Variants in TTC28 observed in about 807,000 individuals in gnomAD.
TTC28 encodes the protein tetratricopeptide repeat protein 28.
In TTC28, 61 loss-of-function variants were observed where a neutral mutation model predicts 198.0. The ratio of observed to expected loss-of-function variants is 0.31; its 90% CI spans 0.25 to 0.38. The LOEUF (loss-of-function observed/expected upper bound fraction) is 0.38, where lower values mean the gene tolerates loss of function less well. Among genes scored for constraint, TTC28 ranks in the 10% least tolerant of loss-of-function variants. The probability of loss-of-function intolerance (pLI) is 1.00; values close to 1 mark genes in which losing one functional copy is unlikely to be tolerated. For synonymous variants in TTC28, 1,171 were observed against 1,297.8 expected (o/e 0.90, Z 2.10); for missense variants, 2,678 against 3,164.0 (o/e 0.85, Z 3.69).
chr22:27,982,822 T>C lies in TTC28; in HGVS notation c.6845A>G (p.Asp2282Gly). 1 of 1,531,106 alleles carries C rather than the reference T, an allele frequency of 6.5e-7. No homozygotes were observed. Among genetic ancestry groups the C allele is most frequent in the Non-Finnish European group, 8.8e-7 (1 of 1,136,462 alleles). The allele number at this position is 1,531,106 out of a possible 1,614,324, so 94.8% of individuals were successfully genotyped here. A position where few individuals can be genotyped will look rare whatever the true frequency, so the allele number is the denominator to read the frequency against. ...PGCDSQTSQL[D>G]QPLFKLKYPS... ...GTACTTCAGTTTAAAGAGAGGCTGG[T>C]CCAGCTGGGAAGTCTGTGAGTCGCA... is the stretch of plus-strand genomic sequence containing the variant. Residue 2282 changes from aspartate (D) to glycine (G), a missense_variant, in exon 23 of 23, where the codon GAC becomes GGC. Physicochemically the swap from Asp to Gly is moderately conservative, Grantham distance 94. Coordinates refer to ENST00000397906, the MANE Select transcript of TTC28 (RefSeq NM_001145418.2). The surrounding 1 kb of genome is among the most constrained non-coding windows in gnomAD (Gnocchi z 5.2).
At chr22:28,255,706 A>AT (rs1035794256) in intron 5 of TTC28, among the ~76,000 whole-genome samples, 3 of 151,414 alleles carry the variant, frequency 2.0e-5, no homozygotes, top group African/African-American at 7.3e-5. Flanking sequence ...AGGTTCTAGT[A>AT]TGAGATGCTC....
intron 12 of TTC28, among the ~76,000 whole-genome samples, chr22:28,044,048 C>A (rs773997498): frequency 1.3e-5 from 2 of 152,172 alleles, no homozygotes; most frequent in Non-Finnish European, 2.9e-5. Context: ...ACTGTAGGGG[C>A]TAGCAGTGGG....
chr22:28,389,891 A>G (rs2046685893), intron 2 of TTC28, among the ~76,000 whole-genome samples: 1 of 151,512 alleles, frequency 6.6e-6, no homozygotes, highest in South Asian at 2.1e-4. Flanking sequence ...CTAGCTTTTG[A>G]ATGTGTTTGC....
intron 22 of TTC28, 116 bp downstream of exon 22, chr22:27,985,133 C>T (rs1383292869): frequency 4.1e-6 from 3 of 739,678 alleles, no homozygotes; most frequent in African/African-American, 3.6e-5. Flanking sequence ...AACAAACATA[C>T]ACAAAAAATG....
intron 3 of TTC28, among the ~76,000 whole-genome samples, chr22:28,302,409 T>C (rs946262317): frequency 6.6e-6 from 1 of 152,172 alleles, no homozygotes; most frequent in Non-Finnish European, 1.5e-5. Context: ...CAATTAGTAC[T>C]GCTGCTGCTT....
At position 28,101,615 on chromosome 22, in the gene TTC28, C is replaced by T. The variant is rs137917003; in HGVS notation, c.3308-335G>A. ...ATCCACCCACCTCAAGTGATCCACC[C>T]ACCCCGGTCTCCTAAAGCACTGGGA... On this transcript the variant is annotated intron_variant, in intron 8 of 22. Transcript: ENST00000397906. Among the ~76,000 whole-genome samples, 41 of 151,936 alleles carry T rather than the reference C, an allele frequency of 2.7e-4. No homozygotes were observed. In the East Asian group the frequency reaches 7.0e-3, roughly 26 times the overall value.
At chr22:28,487,671 C>G (rs1208176046) in intron 2 of TTC28, among the ~76,000 whole-genome samples, 3 of 151,914 alleles carry the variant, frequency 2.0e-5, no homozygotes, top group Non-Finnish European at 2.9e-5. Flanking sequence ...ATTTCATATT[C>G]TTTTTTCATC....
Position 28,679,823 on chromosome 22 carries a change from G to T in TTC28, c.-100C>A. On this transcript the variant is annotated 5_prime_UTR_variant, in exon 1 of 23. Coordinates refer to ENST00000397906, the MANE Select transcript of TTC28 (RefSeq NM_001145418.2). ...CCATGTTCCCGCCGTGCTGCGCGCC[G>T]CCGCGGCGCCCCTCACTGCCCCCAA... is the stretch of plus-strand genomic sequence containing the variant. The T allele has an allele frequency of 2.1e-6, 1 of 466,288 alleles. No individual in the cohort carries two copies. Among genetic ancestry groups the T allele is most frequent in the Non-Finnish European group, 2.9e-6 (1 of 339,082 alleles). 28.9% of individuals were successfully genotyped at this position (466,288 alleles called of 1,614,324 possible).
Position 27,996,191 on chromosome 22 carries a change from C to G in TTC28, c.5188G>C (p.Glu1730Gln), listed in dbSNP as rs1336312569. The G allele has an allele frequency of 6.4e-7, 1 of 1,551,248 alleles. No individual in the cohort carries two copies. The highest frequency in any genetic ancestry group is 1.7e-4 in the Middle Eastern group (1 of 5,992). Residue 1730 changes from glutamate to glutamine, a missense_variant, in exon 17 of 23, where the codon GAG becomes CAG. By Grantham distance (29) the Glu-to-Gln change is conservative. Coordinates refer to ENST00000397906, the MANE Select transcript of TTC28 (RefSeq NM_001145418.2). ...PSSLIGQALT[E>Q]ILQHPERARD... ...GCACGCTCCGGGTGCTGCAGGATCT[C>G]TGTGAGGGCCTGGCCGATGAGTGAT...
intron 6 of TTC28, among the ~76,000 whole-genome samples, chr22:28,131,559 G>A (rs527419633): frequency 1.1e-3 from 168 of 151,998 alleles, no homozygotes; most frequent in Middle Eastern, 3.4e-3. Flanking sequence ...CACTAGCCTC[G>A]GAAAAAAATC....
chr22:28,298,301 G>C (rs2044942642), intron 3 of TTC28, among the ~76,000 whole-genome samples: 1 of 152,134 alleles, frequency 6.6e-6, no homozygotes, highest in African/African-American at 2.4e-5. Context: ...TTTTAGAATT[G>C]TTCTACACGT....
At chr22:28,225,209 G>A (rs941231725) in intron 5 of TTC28, among the ~76,000 whole-genome samples, 1 of 152,012 alleles carries the variant, frequency 6.6e-6, no homozygotes, top group Non-Finnish European at 1.5e-5. Flanking sequence ...ACAAAAATTG[G>A]CCAGGCGTGA....
chr22:28,240,089 C>A (rs560553272), intron 5 of TTC28, among the ~76,000 whole-genome samples: 2 of 152,314 alleles, frequency 1.3e-5, no homozygotes, highest in South Asian at 4.1e-4. Context: ...GTAATAGAAT[C>A]ATATTAAAGA....
rs114028838 is a variant in TTC28 at position 28,202,188 on chromosome 22, C to T, written c.934-38589G>A. On this transcript the variant is annotated intron_variant, in intron 5 of 22. Coordinates refer to ENST00000397906, the MANE Select transcript of TTC28 (RefSeq NM_001145418.2). ...AGGTTCTTTTCAAAATATCGTACTG[C>T]GTTTGAGTAGATTCAGAAACTTCAA... is the stretch of plus-strand genomic sequence containing the variant. Among the ~76,000 whole-genome samples, 606 of 152,150 alleles carry T rather than the reference C, an allele frequency of 4.0e-3. 4 individuals carry two copies. Among genetic ancestry groups the T allele is most frequent in the African/African-American group, 0.014 (566 of 41,522 alleles).
chr22:28,397,343 T>G (rs921234298), intron 2 of TTC28, among the ~76,000 whole-genome samples: 1 of 152,212 alleles, frequency 6.6e-6, no homozygotes, highest in Admixed American at 6.5e-5. Flanking sequence ...TGTCCTCACT[T>G]AACAGGTGAA....
intron 2 of TTC28, among the ~76,000 whole-genome samples, chr22:28,491,239 A>G (rs1017429691): frequency 1.3e-5 from 2 of 152,222 alleles, no homozygotes; most frequent in Non-Finnish European, 2.9e-5. Flanking sequence ...CAATGGCAAC[A>G]AAAGCCAAAA....
intron 2 of TTC28, among the ~76,000 whole-genome samples, chr22:28,329,451 C>T (rs190728018): frequency 1.3e-5 from 2 of 152,214 alleles, no homozygotes; most frequent in Middle Eastern, 3.4e-3. Flanking sequence ...CCACTTGATG[C>T]CAGGGCTTTC....
chr22:28,334,036 G>T (rs1279254823), intron 2 of TTC28, among the ~76,000 whole-genome samples: 1 of 126,958 alleles, frequency 7.9e-6, no homozygotes, highest in South Asian at 2.4e-4. Flanking sequence ...AGTGTGTGAT[G>T]TTCCCCTTTC....
intron 5 of TTC28, among the ~76,000 whole-genome samples, chr22:28,172,837 G>C (rs1030998511): frequency 2.0e-5 from 3 of 152,218 alleles, no homozygotes; most frequent in Non-Finnish European, 4.4e-5. Context: ...TTTAGCATCA[G>C]AGGCCCTGGC....
Sources: gnomAD v4.1 joint callset for allele counts (sites outside exome capture counted in the v4.1 genomes callset) on GRCh38, gnomAD v4.1.1 for gene constraint, Gnocchi (gnomAD v3.1) non-coding constraint, MANE v1.5 for transcripts, NCBI Gene and HGNC (gene_info 2026-07-23, HGNC 2026-07-21) for gene names.